BTN2A2: variants seen among roughly 807,000 people sequenced by gnomAD.
The protein encoded by BTN2A2 is butyrophilin subfamily 2 member A2.
In BTN2A2, 29 loss-of-function variants were observed where a neutral mutation model predicts 34.7. The ratio of observed to expected loss-of-function variants is 0.84; its 90% CI spans 0.62 to 1.14. The LOEUF is 1.14. Among genes scored for constraint, BTN2A2 ranks in the 50% most tolerant of loss-of-function variants. The pLI, the probability that BTN2A2 is intolerant of heterozygous loss-of-function variation, is 0.00. For missense variants in BTN2A2, 612 were observed against 651.5 expected (o/e 0.94, Z 0.66); for synonymous variants, 240 against 253.1 (o/e 0.95, Z 0.49).
chr6:26,385,074 A>G lies in BTN2A2; in HGVS notation c.154A>G (p.Thr52Ala). ...CCTGGCCATGGTGGGAGAAAACACTACATTACGCTGCCATCTGTCACCCGA... is the reference window on the plus strand; with the variant it reads ...CCTGGCCATGGTGGGAGAAAACACTGCATTACGCTGCCATCTGTCACCCGA... The part of the protein sequence containing the change: ...PILAMVGENT[T>A]LRCHLSPEKN... The change falls in exon 3 of 8, where the codon ACA becomes GCA. Residue 52 changes from threonine to alanine, a missense_variant. Coordinates refer to ENST00000356709, the MANE Select transcript of BTN2A2 (RefSeq NM_006995.5). The G allele has an allele frequency of 2.5e-6, 4 of 1,613,908 alleles. No individual in the cohort carries two copies. Among genetic ancestry groups the G allele is most frequent in the Non-Finnish European group, 3.4e-6 (4 of 1,179,884 alleles).
At chr6:26,390,254 T>A in intron 5 of BTN2A2, 43 bp downstream of exon 5, 2 of 1,576,348 alleles carry the variant, frequency 1.3e-6, no homozygotes, top group Admixed American at 1.8e-5. Context: ...AGAAAGAAAT[T>A]CAAAAAGAAA....
rs200473019 is a variant in BTN2A2 at position 26,392,432 on chromosome 6, G to A, written c.1037G>A (p.Arg346Gln). ...AHPELFLSEDRRSVRRGPYRQ... is the reference protein window; with the variant it reads ...AHPELFLSEDQRSVRRGPYRQ... ...CCCGAGCTCTTCCTGTCAGAGGACC[G>A]GAGAAGTGTGAGGCGGGGCCCCTAC... The change falls in exon 8 of 8, where the codon CGG becomes CAG. Residue 346 changes from arginine to glutamine, a missense_variant. Physicochemically the swap from Arg to Gln is conservative, Grantham distance 43. Coordinates refer to ENST00000356709, the MANE Select transcript of BTN2A2 (RefSeq NM_006995.5). The A allele has an allele frequency of 1.8e-4, 293 of 1,614,130 alleles. 1 individual carries two copies. Among genetic ancestry groups the A allele is most frequent in the East Asian group, 8.9e-5 (4 of 44,900 alleles).
Position 26,390,126 on chromosome 6 carries a change from C to T in BTN2A2, c.846C>T (p.Ser282=). ...TTTTCATCATCTTCATGGCTGTCAG[C>T]ATCTGTTGCATCAAGAAACTTCAAA... ...LAVFIIFMAV[S]ICCIKKLQRE... is the part of the protein sequence containing the mutation. Residue 282 remains serine (S), a synonymous_variant, in exon 5 of 8, where the codon AGC becomes AGT. Coordinates refer to ENST00000356709, the MANE Select transcript of BTN2A2 (RefSeq NM_006995.5). The T allele has an allele frequency of 6.2e-7, 1 of 1,613,992 alleles. No individual in the cohort carries two copies. The highest frequency in any genetic ancestry group is 8.5e-7 in the Non-Finnish European group (1 of 1,180,032).
rs1761688312 is a variant in BTN2A2 at position 26,392,836 on chromosome 6, A to G, written c.1441A>G (p.Arg481Gly). ...CPRSAFTVPV[R>G]PFFRLGSDDS... The stretch of plus-strand genomic sequence containing the variant: ...CCGTTCAGCCTTTACTGTGCCTGTG[A>G]GGCCCTTCTTCAGGTTAGGGTCTGA... Residue 481 changes from arginine (R) to glycine (G), a missense_variant, in exon 8 of 8, where the codon AGG becomes GGG. Transcript: ENST00000356709. 1 of 1,614,068 alleles carries G rather than the reference A, an allele frequency of 6.2e-7. No homozygotes were observed. Among genetic ancestry groups the G allele is most frequent in the Admixed American group, 1.7e-5 (1 of 59,998 alleles).
At chr6:26,392,262 G>T (rs1294995307) in intron 7 of BTN2A2, 113 bp from the exon 8 acceptor site, 1 of 1,572,880 alleles carries the variant, frequency 6.4e-7, no homozygotes, top group Admixed American at 1.9e-5. Context: ...CATGGAAACG[G>T]CCACTACATG....
rs961733701 is a variant in BTN2A2, at chr6:26,394,609, A to G, written c.*1642A>G. ...TTGGCTTTGGACTGAGAGTTACACA[A>G]TCAGCTTCCCTGGTTCTGAGGCTTT... On this transcript the variant is annotated 3_prime_UTR_variant, in exon 8 of 8. Transcript: ENST00000356709. 10 of 376,506 alleles carry G rather than the reference A, an allele frequency of 2.7e-5. No homozygotes were observed. Among genetic ancestry groups the G allele is most frequent in the Admixed American group, 1.8e-4 (4 of 22,674 alleles). The allele number at this position is 376,506 out of a possible 1,614,324, so 23.3% of individuals were successfully genotyped here. A position where few individuals can be genotyped will look rare whatever the true frequency, so the allele number is the denominator to read the frequency against.
At chr6:26,387,226 T>C (rs1452284908) in intron 3 of BTN2A2, among the ~76,000 whole-genome samples, 2 of 152,228 alleles carry the variant, frequency 1.3e-5, no homozygotes, top group Non-Finnish European at 2.9e-5. Flanking sequence ...TTCTAATACA[T>C]TGATGTTCTT....
chr6:26,385,335 G>T lies in BTN2A2; in HGVS notation c.415G>T (p.Glu139Ter). Residue 139 changes from glutamate (E) to a stop codon, truncating the protein, a stop_gained, in exon 3 of 8, where the codon GAG becomes TAG. Transcript: ENST00000356709. LOFTEE classifies it high-confidence loss of function. ...CYFQEGRSYD[E>*]AILRLVVAGL... is the part of the protein sequence containing the mutation. ...CTTCCAAGAAGGCAGGTCCTACGAT[G>T]AGGCCATCCTACGCCTCGTGGTGGC... 6.2e-7 allele frequency: 1 copy of T among 1,613,872 alleles called. No individual in the cohort carries two copies. Among genetic ancestry groups the T allele is most frequent in the Non-Finnish European group, 8.5e-7 (1 of 1,179,830 alleles).
In BTN2A2 at chr6:26,394,507, C is replaced by T; in HGVS notation, c.*1540C>T. 1 of 544,112 alleles carries T rather than the reference C, an allele frequency of 1.8e-6. No individual in the cohort carries two copies. The allele number at this position is 544,112 out of a possible 1,614,324, so 33.7% of individuals were successfully genotyped here. ...GCTGAGACACTCTTCTTCTTCTGCCCTTGGACATCAGAACTCCTGGCTCTC... is the reference window on the plus strand; with the variant it reads ...GCTGAGACACTCTTCTTCTTCTGCCTTTGGACATCAGAACTCCTGGCTCTC... On this transcript the variant is annotated 3_prime_UTR_variant, in exon 8 of 8. Transcript: ENST00000356709.
Position 26,383,700 on chromosome 6 carries a change from A to T in BTN2A2, c.-30-92A>T, listed in dbSNP as rs929756785. 11 of 956,832 alleles carry T rather than the reference A, an allele frequency of 1.1e-5. No individual in the cohort carries two copies. The highest frequency in any genetic ancestry group is 2.4e-5 in the East Asian group (1 of 41,584). 59.3% of individuals were successfully genotyped at this position (956,832 alleles called of 1,614,324 possible). On this transcript the variant is annotated intron_variant, in intron 1 of 7. Transcript: ENST00000356709. The surrounding 1 kb of genome is among the most constrained non-coding windows in gnomAD (Gnocchi z 4.4). ...GCGACTCCCAGAAGTTGGGGCACCG[A>T]TGAGACCTACTTGAGTGACAGGAGA...
Position 26,394,442 on chromosome 6 carries a change from C to G in BTN2A2, c.*1475C>G, listed in dbSNP as rs1761770219. 1 of 636,384 alleles carries G rather than the reference C, an allele frequency of 1.6e-6. No homozygotes were observed. Among genetic ancestry groups the G allele is most frequent in the Non-Finnish European group, 2.9e-6 (1 of 348,294 alleles). 39.4% of individuals were successfully genotyped at this position (636,384 alleles called of 1,614,324 possible). On this transcript the variant is annotated 3_prime_UTR_variant, in exon 8 of 8. Coordinates refer to ENST00000356709, the MANE Select transcript of BTN2A2 (RefSeq NM_006995.5). ...TCTGTTGGCTGGGTGCCCAATACAACAAAAAGGCAGAGGAAAGGCAAATTC... is the reference window on the plus strand; with the variant it reads ...TCTGTTGGCTGGGTGCCCAATACAAGAAAAAGGCAGAGGAAAGGCAAATTC...
At chr6:26,391,025 C>G in intron 7 of BTN2A2, 196 bp downstream of exon 7, 1 of 745,596 alleles carries the variant, frequency 1.3e-6, no homozygotes, top group Admixed American at 2.5e-5. Context: ...CTTAATGAAC[C>G]CTGCAGTTTA....
At chr6:26,385,741 C>T (rs1006650817) in intron 3 of BTN2A2, among the ~76,000 whole-genome samples, 1 of 151,948 alleles carries the variant, frequency 6.6e-6, no homozygotes, top group Non-Finnish European at 1.5e-5. Flanking sequence ...TTAGTAGAGA[C>T]GGGGTTTCAC....
At position 26,393,367 on chromosome 6, in the gene BTN2A2, G is replaced by A. The variant is rs1761723183; in HGVS notation, c.*400G>A. On this transcript the variant is annotated 3_prime_UTR_variant, in exon 8 of 8. Coordinates refer to ENST00000356709, the MANE Select transcript of BTN2A2 (RefSeq NM_006995.5). ...CAACAGGGTTCACCAGGATGAGAGAGGAGAGAGGAATCCACAGGACCACCA... is the reference window on the plus strand; with the variant it reads ...CAACAGGGTTCACCAGGATGAGAGAAGAGAGAGGAATCCACAGGACCACCA... 1 of 1,166,326 alleles carries A rather than the reference G, an allele frequency of 8.6e-7. No homozygotes were observed. Among genetic ancestry groups the A allele is most frequent in the Non-Finnish European group, 1.1e-6 (1 of 934,952 alleles). The allele number at this position is 1,166,326 out of a possible 1,614,324, so 72.2% of individuals were successfully genotyped here. A position where few individuals can be genotyped will look rare whatever the true frequency, so the allele number is the denominator to read the frequency against.
chr6:26,392,699 G>A lies in BTN2A2; in HGVS notation c.1304G>A (p.Arg435Lys), dbSNP rs1210575777. 4.3e-6 allele frequency: 7 copies of A among 1,614,102 alleles called. No homozygotes were observed. The Admixed American group carries it at 8.3e-5, about 19-fold the overall frequency. ...TACCGGGCCCTGTCCTCCCCTGAGA[G>A]GATTCTCCCTTTGAAGGAGTCCCTT... ...NQYRALSSPE[R>K]ILPLKESLCR... Residue 435 changes from arginine to lysine, a missense_variant, in exon 8 of 8, where the codon AGG becomes AAG. Coordinates refer to ENST00000356709, the MANE Select transcript of BTN2A2 (RefSeq NM_006995.5).
Position 26,393,062 on chromosome 6 carries a change from C to T in BTN2A2, c.*95C>T, listed in dbSNP as rs1761707093. ...CTAATGAAAGACACGCCCTCCTCCC[C>T]TCTGGTCACGTAAGAGAACATCTTC... is the stretch of plus-strand genomic sequence containing the variant. On this transcript the variant is annotated 3_prime_UTR_variant, in exon 8 of 8. Coordinates refer to ENST00000356709, the MANE Select transcript of BTN2A2 (RefSeq NM_006995.5). The T allele has an allele frequency of 2.5e-6, 4 of 1,611,760 alleles. No homozygotes were observed. The highest frequency in any genetic ancestry group is 2.7e-5 in the African/African-American group (2 of 74,912).
rs1310972481 is a variant in BTN2A2 at position 26,385,025 on chromosome 6, T to C, written c.105T>C (p.Thr35=). The C allele has an allele frequency of 6.2e-7, 1 of 1,613,662 alleles. No homozygotes were observed. Among genetic ancestry groups the C allele is most frequent in the African/African-American group, 1.3e-5 (1 of 74,908 alleles). Residue 35 remains threonine (T), a synonymous_variant, in exon 3 of 8, where the codon ACT becomes ACC. Transcript: ENST00000356709. ...GCCCTTGTTGAACAGCCCAGTTTAC[T>C]GTCGTGGGGCCAGCTAATCCCATCC... The part of the protein sequence containing the change: ...SLCALVSAQF[T]VVGPANPILA...
chr6:26,390,202 G>T lies in BTN2A2; in HGVS notation c.922G>T (p.Glu308Ter), dbSNP rs1761484254. 6.2e-7 allele frequency: 1 copy of T among 1,613,648 alleles called. No individual in the cohort carries two copies. ...GEKKVEQEEK[E>*]IAQQLQEELR... is the part of the protein sequence containing the mutation. ...AAAGAAAGTTGAACAAGAGGAAAAA[G>T]AAATTGCACGTAAGGAATTTGTAAA... is the stretch of plus-strand genomic sequence containing the variant. The change falls in exon 5 of 8, where the codon GAA becomes TAA. Residue 308 changes from glutamate (E) to a stop codon, truncating the protein, a stop_gained. Transcript: ENST00000356709. LOFTEE classifies it high-confidence loss of function.
In BTN2A2 at chr6:26,383,601, C is replaced by A. The variant is rs1292667951; in HGVS notation, c.-30-191C>A. The A allele has an allele frequency of 3.5e-6, 2 of 568,674 alleles. No individual in the cohort carries two copies. The highest frequency in any genetic ancestry group is 6.3e-6 in the Non-Finnish European group (2 of 319,344). The allele number at this position is 568,674 out of a possible 1,614,324, so 35.2% of individuals were successfully genotyped here. On this transcript the variant is annotated intron_variant, in intron 1 of 7. Transcript: ENST00000356709. This position sits in a 1 kb window ranked among gnomAD's most constrained non-coding sequence, Gnocchi z 4.4. Reference sequence around the variant, plus strand: ...GAAGGAGGAAAACGGCCCCCTTGATCTCTGCATTGATGGCTTACTTATGGA... The same window carrying A: ...GAAGGAGGAAAACGGCCCCCTTGATATCTGCATTGATGGCTTACTTATGGA...
Sources: gnomAD v4.1 joint callset for allele counts (sites outside exome capture counted in the v4.1 genomes callset) on GRCh38, gnomAD v4.1.1 for gene constraint, Gnocchi (gnomAD v3.1) non-coding constraint, MANE v1.5 for transcripts, NCBI Gene and HGNC (gene_info 2026-07-23, HGNC 2026-07-21) for gene names.